The following DNM3 variants were observed in gnomAD, a reference collection of about 807,000 sequenced individuals.
The protein encoded by DNM3 is dynamin-3.
In DNM3, 47 loss-of-function variants were observed where a neutral mutation model predicts 101.6. The ratio of observed to expected loss-of-function variants is 0.46; its 90% CI spans 0.37 to 0.59. DNM3 has a LOEUF of 0.59. Ranked by LOEUF, DNM3 falls within the 20% of genes least tolerant of loss-of-function variation. The pLI is 0.00. For synonymous variants in DNM3, 385 were observed against 387.9 expected, an observed-to-expected ratio of 0.99 and a Z score of 0.09; for missense variants, 849 against 1,085.7, an observed-to-expected ratio of 0.78 and a Z score of 3.06.
chr1:172,372,462 G>C (rs926886315), intron 17 of DNM3, among the ~76,000 whole-genome samples: 2 of 151,726 alleles, frequency 1.3e-5, no homozygotes, highest in African/African-American at 2.4e-5. Context: ...GATGTTATGT[G>C]AAGCTATCTT....
intron 16 of DNM3, among the ~76,000 whole-genome samples, chr1:172,317,493 A>G (rs1436321324): frequency 6.6e-6 from 1 of 152,168 alleles, no homozygotes; most frequent in Non-Finnish European, 1.5e-5. Context: ...GACCACTAGC[A>G]AGACTAATAA....
chr1:172,123,583 A>C (rs1435073792), intron 13 of DNM3, among the ~76,000 whole-genome samples: 1 of 152,024 alleles, frequency 6.6e-6, no homozygotes, highest in African/African-American at 2.4e-5. Context: ...CCTTCCTTCC[A>C]CTGTTAGAGC....
chr1:172,276,628 T>C (rs1239491715), intron 15 of DNM3, among the ~76,000 whole-genome samples: 4 of 150,852 alleles, frequency 2.7e-5, no homozygotes, highest in Non-Finnish European at 5.9e-5. Context: ...TGAGTGTTCT[T>C]GTTAATTATA....
chr1:172,025,658 A>G (rs2048153962), intron 4 of DNM3, among the ~76,000 whole-genome samples: 1 of 152,160 alleles, frequency 6.6e-6, no homozygotes, highest in Non-Finnish European at 1.5e-5. Flanking sequence ...TACCCAGGCA[A>G]ACAGGATCTG....
At chr1:172,055,984 T>C (rs2050575985) in intron 10 of DNM3, among the ~76,000 whole-genome samples, 1 of 152,092 alleles carries the variant, frequency 6.6e-6, no homozygotes. Flanking sequence ...AGTGGGTGCG[T>C]GCACCGTGCA....
At chr1:172,286,247 C>A (rs1240447626) in intron 15 of DNM3, among the ~76,000 whole-genome samples, 1 of 152,106 alleles carries the variant, frequency 6.6e-6, no homozygotes, top group Non-Finnish European at 1.5e-5. Context: ...GCCTCTCTCT[C>A]TATTTATTCC....
intron 15 of DNM3, among the ~76,000 whole-genome samples, chr1:172,266,481 C>T (rs963351763): frequency 6.6e-6 from 1 of 152,058 alleles, no homozygotes; most frequent in African/African-American, 2.4e-5. Flanking sequence ...GAACACAATT[C>T]AATTAAGCTT....
At chr1:171,848,247 C>T (rs184644872) in intron 1 of DNM3, among the ~76,000 whole-genome samples, 64 of 152,230 alleles carry the variant, frequency 4.2e-4, no homozygotes, top group Admixed American at 2.5e-3. Flanking sequence ...TTTTCTCTTC[C>T]GTGATACTCT....
chr1:172,164,493 C>G (rs1308773910), intron 14 of DNM3, among the ~76,000 whole-genome samples: 2 of 151,924 alleles, frequency 1.3e-5, no homozygotes, highest in Admixed American at 6.6e-5. Context: ...GCAAAAAACT[C>G]TGGCCAGCCA....
intron 17 of DNM3, among the ~76,000 whole-genome samples, chr1:172,362,770 C>G (rs1003200655): frequency 2.0e-5 from 3 of 151,528 alleles, no homozygotes; most frequent in East Asian, 2.0e-4. Flanking sequence ...TTCTGGCCCC[C>G]CTTTAATCCT....
At chr1:172,268,880 G>A (rs1191373697) in intron 15 of DNM3, among the ~76,000 whole-genome samples, 1 of 152,082 alleles carries the variant, frequency 6.6e-6, no homozygotes, top group Non-Finnish European at 1.5e-5. Context: ...GCTTTTCAAC[G>A]TTTTTAAATG....
chr1:172,038,184 C>A, intron 6 of DNM3, 135 bp from the exon 7 acceptor site: 2 of 1,148,952 alleles, frequency 1.7e-6, no homozygotes, highest in Non-Finnish European at 2.5e-6. Context: ...TAGTCAATGT[C>A]AAATGCAGAC....
Position 172,323,317 on chromosome 1 carries a change from C to T in DNM3, c.1882-12C>T. 6.2e-7 allele frequency: 1 copy of T among 1,600,006 alleles called. No individual in the cohort carries two copies. Among genetic ancestry groups the T allele is most frequent in the Non-Finnish European group, 8.5e-7 (1 of 1,172,644 alleles). The stretch of plus-strand genomic sequence containing the variant: ...ATATTTCTCTTTCTTTTCCTTGCGG[C>T]TACATGCATAGGGGAACAACAAAGT... On this transcript the variant is annotated splice_polypyrimidine_tract_variant and intron_variant, in intron 16 of 20. Transcript: ENST00000627582.
chr1:171,842,504 A>G (rs2031419796), intron 1 of DNM3, among the ~76,000 whole-genome samples: 1 of 152,094 alleles, frequency 6.6e-6, no homozygotes, highest in South Asian at 2.1e-4. Context: ...GCACCTATTC[A>G]CAGCTTCAGG....
chr1:172,177,943 A>G (rs1231208174), intron 14 of DNM3, among the ~76,000 whole-genome samples: 3 of 151,860 alleles, frequency 2.0e-5, no homozygotes, highest in Non-Finnish European at 4.4e-5. Context: ...CGATATAATT[A>G]TATTCTAAAA....
chr1:172,281,448 T>C (rs2063487602), intron 15 of DNM3, among the ~76,000 whole-genome samples: 1 of 152,128 alleles, frequency 6.6e-6, no homozygotes, highest in Non-Finnish European at 1.5e-5. Context: ...ATCTGTGAGC[T>C]GACACCCCCA....
intron 15 of DNM3, among the ~76,000 whole-genome samples, chr1:172,280,993 G>T (rs548783638): frequency 6.6e-6 from 1 of 152,174 alleles, no homozygotes; most frequent in African/African-American, 2.4e-5. Context: ...TTATGTTCAA[G>T]GAACAGCAAG....
intron 17 of DNM3, among the ~76,000 whole-genome samples, chr1:172,346,055 G>A (rs375559123): frequency 4.5e-4 from 68 of 150,372 alleles, no homozygotes; most frequent in African/African-American, 1.6e-3. Context: ...CCTGGGAGGC[G>A]GAGCTTGCAG....
chr1:171,975,649 A>C (rs1200398664), intron 2 of DNM3, among the ~76,000 whole-genome samples: 1 of 152,246 alleles, frequency 6.6e-6, no homozygotes, highest in Non-Finnish European at 1.5e-5. Flanking sequence ...CAGAAGAGGA[A>C]AATTTTTCTG....
Sources: allele counts gnomAD v4.1 joint callset (sites outside exome capture counted in the v4.1 genomes callset), GRCh38; gene constraint gnomAD v4.1.1; transcripts MANE v1.5; gene names NCBI Gene and HGNC (gene_info 2026-07-23, HGNC 2026-07-21).